Variants in UPK1B observed in about 807,000 individuals in gnomAD.
UPK1B encodes uroplakin-1b.
UPK1B carries 28 observed loss-of-function variants against 34.2 expected under a neutral mutation model. The observed-to-expected ratio is 0.82, with a 90% CI of 0.61 to 1.12. UPK1B has a LOEUF of 1.12. Ranked by LOEUF, UPK1B falls within the 50% of genes most tolerant of loss-of-function variation. UPK1B has a pLI of 0.00. For synonymous variants in UPK1B, 81 were observed against 110.4 expected, an observed-to-expected ratio of 0.73 and a Z score of 1.67; for missense variants, 325 against 320.9, an observed-to-expected ratio of 1.01 and a Z score of -0.10.
intron 1 of UPK1B, among the ~76,000 whole-genome samples, chr3:119,181,033 C>G (rs562686458): frequency 1.3e-5 from 2 of 152,326 alleles, no homozygotes; most frequent in East Asian, 3.9e-4. Context: ...TTTTCAACAT[C>G]ACTTTTGAGT....
At chr3:119,185,963 C>T (rs1327015928) in intron 1 of UPK1B, among the ~76,000 whole-genome samples, 1 of 152,180 alleles carries the variant, frequency 6.6e-6, no homozygotes, top group Non-Finnish European at 1.5e-5. Flanking sequence ...GTCACACACA[C>T]CAAGGTCTCT....
chr3:119,198,648 A>G (rs1446488019), intron 6 of UPK1B, among the ~76,000 whole-genome samples: 2 of 152,240 alleles, frequency 1.3e-5, no homozygotes, highest in Admixed American at 1.3e-4. Context: ...CATGGACAGA[A>G]GCATTTTTAT....
At chr3:119,191,769 A>G (rs1277259599) in intron 5 of UPK1B, among the ~76,000 whole-genome samples, 1 of 152,000 alleles carries the variant, frequency 6.6e-6, no homozygotes, top group East Asian at 1.9e-4. Flanking sequence ...ATATCCATGT[A>G]CCATAGGACC....
At chr3:119,189,295 A>C (rs1297729287) in intron 3 of UPK1B, among the ~76,000 whole-genome samples, 1 of 152,220 alleles carries the variant, frequency 6.6e-6, no homozygotes, top group East Asian at 1.9e-4. Context: ...TTCTGGGCTG[A>C]GTAGTGAGGG....
intron 1 of UPK1B, among the ~76,000 whole-genome samples, chr3:119,184,359 A>C (rs1420841410): frequency 6.6e-6 from 1 of 152,074 alleles, no homozygotes; most frequent in Non-Finnish European, 1.5e-5. Context: ...GTCTTTCTCC[A>C]CAGCCCTCCT....
chr3:119,203,357 A>AACAAAAACAT (rs1576874113), intron 7 of UPK1B, among the ~76,000 whole-genome samples: 1 of 151,028 alleles, frequency 6.6e-6, no homozygotes. Context: ...AAAAAAAAAA[A>AACAAAAACAT]AAAAAAAAAA....
chr3:119,183,556 C>G (rs2077999408), intron 1 of UPK1B, among the ~76,000 whole-genome samples: 1 of 152,148 alleles, frequency 6.6e-6, no homozygotes, highest in South Asian at 2.1e-4. Context: ...ACCACCATGC[C>G]CGGCCCCTTT....
At position 119,191,050 on chromosome 3, in the gene UPK1B, T is replaced by C. The variant is rs1245516976; in HGVS notation, c.414T>C (p.Asp138=). ...RYQNNSPPNN[D]DQWKNNGVTK... is the part of the protein sequence containing the mutation. ...AAAACAACAGCCCTCCAAACAATGA[T>C]GACCAGTGGAAAAACAATGGAGTCA... The change falls in exon 5 of 8, where the codon GAT becomes GAC. Residue 138 remains aspartate (D), a synonymous_variant. Coordinates refer to ENST00000264234, the MANE Select transcript of UPK1B (RefSeq NM_006952.4). 1 of 1,614,014 alleles carries C rather than the reference T, an allele frequency of 6.2e-7. No homozygotes were observed. Among genetic ancestry groups the C allele is most frequent in the Non-Finnish European group, 8.5e-7 (1 of 1,179,942 alleles).
rs945490815 is a variant in UPK1B, at chr3:119,187,947, T to C, written c.242T>C (p.Met81Thr). The change falls in exon 3 of 8, where the codon ATG becomes ACG. Residue 81 changes from methionine (M) to threonine (T), a missense_variant. Transcript: ENST00000264234. ...CLSVLGIVGIMKSSRKILLAY... is the reference protein window; with the variant it reads ...CLSVLGIVGITKSSRKILLAY... Reference sequence around the variant, plus strand: ...TCTGTTCTAGGCATTGTAGGCATCATGAAGTCCAGCAGGAAAATTCTTCTG... The same window carrying C: ...TCTGTTCTAGGCATTGTAGGCATCACGAAGTCCAGCAGGAAAATTCTTCTG... 9 of 1,614,194 alleles carry C rather than the reference T, an allele frequency of 5.6e-6. No individual in the cohort carries two copies. The highest frequency in any genetic ancestry group is 1.1e-5 in the South Asian group (1 of 91,074).
chr3:119,181,159 G>A (rs1268042170), intron 1 of UPK1B, among the ~76,000 whole-genome samples: 2 of 152,130 alleles, frequency 1.3e-5, no homozygotes, highest in Non-Finnish European at 2.9e-5. Flanking sequence ...TATGTGTTTA[G>A]GAGGTTTAGA....
intron 4 of UPK1B, 91 bp from the exon 5 acceptor site, chr3:119,190,891 T>C: frequency 3.9e-6 from 6 of 1,544,598 alleles, no homozygotes; most frequent in South Asian, 1.2e-5. Flanking sequence ...GAATGTTCAG[T>C]GTCCCCAGGA....
intron 7 of UPK1B, among the ~76,000 whole-genome samples, chr3:119,200,660 G>A (rs2078086961): frequency 6.6e-6 from 1 of 152,198 alleles, no homozygotes; most frequent in Non-Finnish European, 1.5e-5. Context: ...AGTTCACGGT[G>A]ACAACTACAA....
intron 3 of UPK1B, among the ~76,000 whole-genome samples, chr3:119,189,375 T>C (rs1165703218): frequency 2.0e-5 from 3 of 152,238 alleles, no homozygotes; most frequent in African/African-American, 7.2e-5. Context: ...CCTACCCTGC[T>C]GACACTGACC....
rs888531197 is a variant in UPK1B at position 119,204,267 on chromosome 3, C to T, written c.*300C>T. The T allele has an allele frequency of 5.7e-6, 2 of 347,868 alleles. No homozygotes were observed. Among genetic ancestry groups the T allele is most frequent in the East Asian group, 5.1e-5 (1 of 19,732 alleles). The allele number at this position is 347,868 out of a possible 1,614,324, so 21.5% of individuals were successfully genotyped here. On this transcript the variant is annotated 3_prime_UTR_variant, in exon 8 of 8. Transcript: ENST00000264234. ...TTTAATTTGGGAAAATAAATACATT[C>T]GAAGGAACCTGTGTTATCACAGTAA...
chr3:119,184,173 A>G (rs2078003711), intron 1 of UPK1B, among the ~76,000 whole-genome samples: 1 of 152,006 alleles, frequency 6.6e-6, no homozygotes, highest in African/African-American at 2.4e-5. Flanking sequence ...GACTCCTGCA[A>G]TTCTCCCATA....
chr3:119,194,905 A>T (rs1041054333), intron 6 of UPK1B, among the ~76,000 whole-genome samples: 6 of 152,234 alleles, frequency 3.9e-5, no homozygotes, highest in African/African-American at 1.4e-4. Flanking sequence ...TTACATACAG[A>T]TAGTTTTTGA....
intron 6 of UPK1B, among the ~76,000 whole-genome samples, chr3:119,195,669 A>T (rs991030270): frequency 2.0e-5 from 3 of 152,238 alleles, no homozygotes; most frequent in Non-Finnish European, 4.4e-5. Context: ...ATATTTCAAC[A>T]CTGGAACTGC....
intron 1 of UPK1B, among the ~76,000 whole-genome samples, chr3:119,179,527 T>TTTTTTTTTTTTG (rs1553741698): frequency 7.6e-6 from 1 of 131,568 alleles, no homozygotes; most frequent in African/African-American, 2.8e-5. Context: ...TTTTTTTTTT[T>TTTTTTTTTTTTG]GAGACGGAGT....
rs753655191 is a variant in UPK1B at position 119,191,064 on chromosome 3, A to C, written c.428A>C (p.Asn143Thr). 6.2e-7 allele frequency: 1 copy of C among 1,614,046 alleles called. No individual in the cohort carries two copies. Among genetic ancestry groups the C allele is most frequent in the South Asian group, 1.1e-5 (1 of 91,072 alleles). ...CCAAACAATGATGACCAGTGGAAAA[A>C]CAATGGAGTCACCAAAACCTGGGAC... Reference protein sequence around the residue: ...SPPNNDDQWKNNGVTKTWDRL... With the variant: ...SPPNNDDQWKTNGVTKTWDRL... Residue 143 changes from asparagine (N) to threonine (T), a missense_variant, in exon 5 of 8, where the codon AAC becomes ACC. By Grantham distance (65) the Asn-to-Thr change is moderately conservative. Coordinates refer to ENST00000264234, the MANE Select transcript of UPK1B (RefSeq NM_006952.4).
Sources: allele counts gnomAD v4.1 joint callset (sites outside exome capture counted in the v4.1 genomes callset), GRCh38; gene constraint gnomAD v4.1.1; transcripts MANE v1.5; gene names NCBI Gene and HGNC (gene_info 2026-07-23, HGNC 2026-07-21).